The following OOSP4B variants were observed in gnomAD, a reference collection of about 807,000 sequenced individuals.
The protein encoded by OOSP4B is oocyte secreted protein family member 4B, also known as oocyte-secreted protein 4B.
intron 1 of OOSP4B, among the ~76,000 whole-genome samples, chr11:60,020,711 C>T (rs949450409): frequency 2.0e-5 from 3 of 152,360 alleles, no homozygotes; most frequent in South Asian, 4.1e-4. Flanking sequence ...CCAGAGTGGG[C>T]GCCAAGGCCG....
chr11:60,029,080 G>T (rs1221756134), intron 3 of OOSP4B, among the ~76,000 whole-genome samples: 2 of 152,150 alleles, frequency 1.3e-5, no homozygotes, highest in Non-Finnish European at 2.9e-5. Context: ...GATCAAATAG[G>T]CCAGGACATA....
chr11:60,020,076 T>C (rs886525307), intron 1 of OOSP4B, among the ~76,000 whole-genome samples: 4 of 152,228 alleles, frequency 2.6e-5, no homozygotes, highest in Admixed American at 6.5e-5. Flanking sequence ...AGGGTGCTGA[T>C]TGGTGTGTTT....
At chr11:60,029,439 A>C (rs1854781550) in intron 3 of OOSP4B, among the ~76,000 whole-genome samples, 1 of 151,962 alleles carries the variant, frequency 6.6e-6, no homozygotes, top group African/African-American at 2.4e-5. Flanking sequence ...TCAATTTCTA[A>C]TCTTGGGATG....
chr11:60,029,282 C>T (rs1031369224), intron 3 of OOSP4B, among the ~76,000 whole-genome samples: 1 of 152,168 alleles, frequency 6.6e-6, no homozygotes, highest in Non-Finnish European at 1.5e-5. Flanking sequence ...AACACTACAA[C>T]TCCTAAGATA....
intron 3 of OOSP4B, among the ~76,000 whole-genome samples, chr11:60,025,435 CTGAT>C (rs1347690921): frequency 6.6e-6 from 1 of 152,208 alleles, no homozygotes; most frequent in Non-Finnish European, 1.5e-5. Flanking sequence ...ATGAGTAAGA[CTGAT>C]TGCTGCAGAA....
chr11:60,029,612 G>A (rs17154452), intron 3 of OOSP4B, among the ~76,000 whole-genome samples, 170 bp from the exon 4 acceptor site: 3,818 of 152,160 alleles, frequency 0.025, 117 homozygotes, highest in African/African-American at 0.072. Flanking sequence ...CCTATTCAAG[G>A]TTCTGTTACA....
intron 4 of OOSP4B, 141 bp from the exon 5 acceptor site, chr11:60,030,661 G>T (rs796344246): frequency 3.8e-5 from 15 of 394,618 alleles, no homozygotes; most frequent in African/African-American, 2.9e-4. Flanking sequence ...TAGTTCCATA[G>T]ATTACATTTT....
At chr11:60,020,568 C>T (rs375424227) in intron 1 of OOSP4B, among the ~76,000 whole-genome samples, 9 of 152,192 alleles carry the variant, frequency 5.9e-5, no homozygotes, top group Admixed American at 2.0e-4. Context: ...GCAAGCACAG[C>T]GAGCAGCCCC....
intron 1 of OOSP4B, among the ~76,000 whole-genome samples, chr11:60,020,119 G>A (rs995850977): frequency 6.6e-6 from 1 of 152,216 alleles, no homozygotes; most frequent in Non-Finnish European, 1.5e-5. Flanking sequence ...AGTGCCGATT[G>A]GTGTATTTAC....
At chr11:60,019,283 G>A (rs1041024443) in intron 1 of OOSP4B, among the ~76,000 whole-genome samples, 1 of 152,164 alleles carries the variant, frequency 6.6e-6, no homozygotes, top group East Asian at 1.9e-4. Context: ...GGAGGCCTAG[G>A]CAAGAAGATC....
At chr11:60,029,191 C>A (rs1323345772) in intron 3 of OOSP4B, among the ~76,000 whole-genome samples, 1 of 152,196 alleles carries the variant, frequency 6.6e-6, no homozygotes, top group Admixed American at 6.5e-5. Flanking sequence ...CCTGGAACTG[C>A]CTACATGCTG....
chr11:60,024,832 A>C (rs1432497505), intron 2 of OOSP4B, 76 bp from the exon 3 acceptor site: 1 of 396,924 alleles, frequency 2.5e-6, no homozygotes, highest in African/African-American at 2.1e-5. Context: ...ATTTTCCTAA[A>C]GCAGATTCTA....
At chr11:60,020,514 G>A (rs1421321443) in intron 1 of OOSP4B, among the ~76,000 whole-genome samples, 2 of 152,350 alleles carry the variant, frequency 1.3e-5, no homozygotes, top group East Asian at 3.9e-4. Context: ...GGCTCCGAGT[G>A]TGGGGCAGCG....
intron 1 of OOSP4B, among the ~76,000 whole-genome samples, 151 bp downstream of exon 1, chr11:60,017,564 C>T (rs1406391163): frequency 1.3e-5 from 2 of 151,492 alleles, no homozygotes; most frequent in East Asian, 3.9e-4. Context: ...TTTTTTTTCC[C>T]CCTGATTATA....
exon 5 of OOSP4B, chr11:60,031,071 A>T (rs796422087): frequency 2.8e-6 from 1 of 362,548 alleles, no homozygotes. Context: ...TCAAGCTCAT[A>T]CATAATAAAG....
At chr11:60,025,564 A>T (rs989043740) in intron 3 of OOSP4B, among the ~76,000 whole-genome samples, 1 of 152,180 alleles carries the variant, frequency 6.6e-6, no homozygotes, top group Non-Finnish European at 1.5e-5. Flanking sequence ...TATTTCTTTC[A>T]GCAGAATGTT....
intron 1 of OOSP4B, among the ~76,000 whole-genome samples, chr11:60,020,901 C>T (rs1308799067): frequency 6.6e-6 from 1 of 152,242 alleles, no homozygotes; most frequent in Non-Finnish European, 1.5e-5. Context: ...CAGAGGGAGA[C>T]TCCATCTTTC....
At chr11:60,028,033 A>G (rs1295632667) in intron 3 of OOSP4B, among the ~76,000 whole-genome samples, 2 of 151,542 alleles carry the variant, frequency 1.3e-5, no homozygotes, top group Non-Finnish European at 2.9e-5. Context: ...AAATGTGGTG[A>G]TAAGTTACAT....
chr11:60,024,899 T>C lies in OOSP4B; in HGVS notation c.205-9T>C, dbSNP rs1854731229. The stretch of plus-strand genomic sequence containing the variant: ...TGCCTTCTAGTATTAAAACTCTCAA[T>C]TGTTTCAGATGTTCCAAACAAATGA... On this transcript the variant is annotated splice_polypyrimidine_tract_variant and intron_variant, in intron 2 of 4. Transcript: ENST00000642343. The C allele has an allele frequency of 2.5e-6, 1 of 398,328 alleles. No individual in the cohort carries two copies. Among genetic ancestry groups the C allele is most frequent in the Admixed American group, 4.4e-5 (1 of 22,734 alleles). The allele number at this position is 398,328 out of a possible 1,614,324, so 24.7% of individuals were successfully genotyped here. A position where few individuals can be genotyped will look rare whatever the true frequency, so the allele number is the denominator to read the frequency against.
Sources: allele counts gnomAD v4.1 joint callset (sites outside exome capture counted in the v4.1 genomes callset), GRCh38; gene constraint gnomAD v4.1.1; transcripts MANE v1.5; gene names NCBI Gene and HGNC (gene_info 2026-07-23, HGNC 2026-07-21).